Variants in NR3C2 observed in about 807,000 individuals in gnomAD.
The protein encoded by NR3C2 is nuclear receptor subfamily 3 group C member 2.
Under a neutral mutation model 86.4 loss-of-function variants are expected in NR3C2, and 15 were observed. The ratio of observed to expected loss-of-function variants is 0.17; its 90% CI spans 0.12 to 0.27. The LOEUF (loss-of-function observed/expected upper bound fraction) is 0.27, where lower values mean the gene tolerates loss of function less well. Among genes scored for constraint, NR3C2 ranks in the 10% least tolerant of loss-of-function variants. NR3C2 has a pLI of 1.00. For missense variants in NR3C2, 960 were observed against 1,195.6 expected (o/e 0.80, Z 2.91); for synonymous variants, 458 against 450.5 (o/e 1.02, Z -0.21).
intron 4 of NR3C2, among the ~76,000 whole-genome samples, chr4:148,190,483 G>A (rs1246074008): frequency 1.3e-5 from 2 of 152,142 alleles, no homozygotes; most frequent in African/African-American, 4.8e-5. Context: ...AGTTCCATGC[G>A]CTGTTGAATA....
intron 2 of NR3C2, among the ~76,000 whole-genome samples, chr4:148,292,587 T>A (rs1368154681): frequency 1.3e-5 from 2 of 152,166 alleles, no homozygotes; most frequent in Non-Finnish European, 2.9e-5. Context: ...AGTCCCTATC[T>A]GACCATCATT....
At chr4:148,393,989 A>T (rs1747726158) in intron 2 of NR3C2, among the ~76,000 whole-genome samples, 1 of 152,170 alleles carries the variant, frequency 6.6e-6, no homozygotes, top group African/African-American at 2.4e-5. Context: ...GTGTGTCCAG[A>T]GACTGGGCCT....
chr4:148,400,962 G>A (rs1748131971), intron 2 of NR3C2, among the ~76,000 whole-genome samples: 1 of 152,154 alleles, frequency 6.6e-6, no homozygotes, highest in South Asian at 2.1e-4. Context: ...CATTTAATGT[G>A]AATGTCTAAT....
At chr4:148,368,010 C>T (rs950783118) in intron 2 of NR3C2, among the ~76,000 whole-genome samples, 5 of 152,038 alleles carry the variant, frequency 3.3e-5, no homozygotes, top group African/African-American at 9.7e-5. Context: ...GCACAAAACT[C>T]GTCCCCATAT....
chr4:148,167,703 G>A (rs146144374), intron 4 of NR3C2, among the ~76,000 whole-genome samples: 1 of 152,294 alleles, frequency 6.6e-6, no homozygotes, highest in African/African-American at 2.4e-5. Context: ...ATAAGTAAAT[G>A]CTTTGCTGAC....
rs534395675 is a variant in NR3C2 at position 148,237,408 on chromosome 4, TTTTC to T, written c.1897+22566_1897+22569del. On this transcript the variant is annotated intron_variant, in intron 3 of 8. Transcript: ENST00000358102. ...TCCTAGAATTTAAATAACACTTCAA[TTTTC>T]TTTAAGGTCTCTTCGCACTAAAAAT... is the stretch of plus-strand genomic sequence containing the variant. Among the ~76,000 whole-genome samples the T allele has an allele frequency of 2.2e-3, 341 of 152,276 alleles. 4 individuals carry two copies. Among genetic ancestry groups the T allele is most frequent in the African/African-American group, 7.5e-3 (311 of 41,574 alleles).
At chr4:148,150,319 T>G (rs1734046818) in intron 6 of NR3C2, among the ~76,000 whole-genome samples, 1 of 152,374 alleles carries the variant, frequency 6.6e-6, no homozygotes, top group East Asian at 1.9e-4. Flanking sequence ...TTGTTTCGTG[T>G]GTATTTCTGT....
intron 2 of NR3C2, among the ~76,000 whole-genome samples, chr4:148,286,885 CT>C (rs1422337413): frequency 1.4e-4 from 22 of 152,238 alleles, no homozygotes; most frequent in African/African-American, 5.1e-4. Context: ...AGTCACAATT[CT>C]TTTCTGAATG....
At chr4:148,418,320 A>C (rs536818030) in intron 2 of NR3C2, among the ~76,000 whole-genome samples, 52 of 152,310 alleles carry the variant, frequency 3.4e-4, no homozygotes, top group African/African-American at 1.2e-3. Context: ...TTTACTGCCC[A>C]CACACACATA....
intron 3 of NR3C2, among the ~76,000 whole-genome samples, chr4:148,234,875 T>C (rs961663377): frequency 1.3e-5 from 2 of 152,142 alleles, no homozygotes; most frequent in African/African-American, 4.8e-5. Flanking sequence ...TACAGGTAAA[T>C]TCATGTCATG....
intron 8 of NR3C2, among the ~76,000 whole-genome samples, chr4:148,083,157 G>GACTT: frequency 6.6e-6 from 1 of 152,334 alleles, no homozygotes; most frequent in Non-Finnish European, 1.5e-5. Flanking sequence ...AGCTTCAGCA[G>GACTT]ACTTAAATGT....
At chr4:148,174,787 T>C (rs991511359) in intron 4 of NR3C2, among the ~76,000 whole-genome samples, 6 of 152,188 alleles carry the variant, frequency 3.9e-5, no homozygotes, top group African/African-American at 1.4e-4. Context: ...GTTTTCATCC[T>C]AAGACTGTTC....
chr4:148,305,609 C>A (rs973283682), intron 2 of NR3C2, among the ~76,000 whole-genome samples: 1 of 151,538 alleles, frequency 6.6e-6, no homozygotes, highest in Non-Finnish European at 1.5e-5. Flanking sequence ...GAAAAGGCTA[C>A]GCTTTGAGAG....
chr4:148,105,290 A>G (rs1446287178), intron 8 of NR3C2, among the ~76,000 whole-genome samples: 58 of 152,364 alleles, frequency 3.8e-4, no homozygotes, highest in Non-Finnish European at 5.9e-5. Context: ...AATCTAGAAG[A>G]AATGGATACA....
intron 2 of NR3C2, among the ~76,000 whole-genome samples, chr4:148,319,468 A>G (rs1242776439): frequency 1.3e-5 from 2 of 151,732 alleles, no homozygotes; most frequent in South Asian, 2.1e-4. Context: ...TACCTTGGGC[A>G]GTATGGCCAT....
At chr4:148,301,106 G>A (rs756035269) in intron 2 of NR3C2, among the ~76,000 whole-genome samples, 9 of 151,996 alleles carry the variant, frequency 5.9e-5, no homozygotes, top group Non-Finnish European at 1.2e-4. Context: ...TGCTCTTAAA[G>A]GGCTCCACCC....
chr4:148,140,466 T>G (rs556353544), intron 6 of NR3C2, among the ~76,000 whole-genome samples: 17 of 152,258 alleles, frequency 1.1e-4, no homozygotes, highest in Admixed American at 9.8e-4. Context: ...CCCAGGAGAT[T>G]GAGGCTGCAG....
At chr4:148,272,945 CT>C (rs1170401521) in intron 2 of NR3C2, among the ~76,000 whole-genome samples, 1 of 152,166 alleles carries the variant, frequency 6.6e-6, no homozygotes, top group Non-Finnish European at 1.5e-5. Context: ...TAGGCTGTTT[CT>C]TTCGTTTTAA....
chr4:148,213,345 A>G lies in NR3C2; in HGVS notation c.1898-18483T>C, dbSNP rs72653876. ...TAAAGACAATCATACCAGCAAACCC[A>G]AGGAAAAGTAGAAATCATTAGACAT... On this transcript the variant is annotated intron_variant, in intron 3 of 8. Coordinates refer to ENST00000358102, the MANE Select transcript of NR3C2 (RefSeq NM_000901.5). Among the ~76,000 whole-genome samples, 596 of 152,318 alleles carry G rather than the reference A, an allele frequency of 3.9e-3. 3 individuals carry two copies. The highest frequency in any genetic ancestry group is 0.014 in the African/African-American group (564 of 41,568).
Sources: gnomAD v4.1 joint callset for allele counts (sites outside exome capture counted in the v4.1 genomes callset) on GRCh38, gnomAD v4.1.1 for gene constraint, MANE v1.5 for transcripts, NCBI Gene and HGNC (gene_info 2026-07-23, HGNC 2026-07-21) for gene names.